The following SLC16A12 variants were observed in gnomAD, a reference collection of about 807,000 sequenced individuals.
The protein encoded by SLC16A12 is solute carrier family 16 member 12.
SLC16A12 carries 17 observed loss-of-function variants against 42.4 expected under a neutral mutation model. The ratio of observed to expected loss-of-function variants is 0.40; its 90% CI spans 0.27 to 0.60. The LOEUF is 0.60. SLC16A12 is among the 20% of genes least tolerant of loss of function. SLC16A12 has a pLI of 0.42. For missense variants in SLC16A12, 544 were observed against 623.0 expected, an observed-to-expected ratio of 0.87 and a Z score of 1.35; for synonymous variants, 224 against 229.4, an observed-to-expected ratio of 0.98 and a Z score of 0.21.
rs1323818417 is a variant in SLC16A12, at chr10:89,436,231, G to T, written c.1117C>A (p.Leu373Ile). 2 of 1,614,146 alleles carry T rather than the reference G, an allele frequency of 1.2e-6. No homozygotes were observed. The highest frequency in any genetic ancestry group is 1.7e-6 in the Non-Finnish European group (2 of 1,180,004). The part of the protein sequence containing the change: ...CYLCLPMLQS[L>I]PLLVPFSCTF... ...CAAGAGAAAGGCACGAGCAGAGGGA[G>T]ACTTTGAAGCATTGGGAGGCAGAGA... The change falls in exon 7 of 8, where the codon CTC becomes ATC. Residue 373 changes from leucine (L) to isoleucine (I), a missense_variant. Physicochemically the swap from Leu to Ile is conservative, Grantham distance 5. Transcript: ENST00000371790.
rs1053645234 is a variant in SLC16A12, at chr10:89,436,432, C to T, written c.1029-113G>A. The T allele has an allele frequency of 7.0e-6, 9 of 1,293,950 alleles. No individual in the cohort carries two copies. In the African/African-American group the frequency reaches 1.3e-4, roughly 19 times the overall value. 80.2% of individuals were successfully genotyped at this position (1,293,950 alleles called of 1,614,324 possible). Reference sequence around the variant, plus strand: ...GCAGTTATTTACAGAGATGGCTTTCCCATTGTGTGTTATGTATGCTGTCTT... The same window carrying T: ...GCAGTTATTTACAGAGATGGCTTTCTCATTGTGTGTTATGTATGCTGTCTT... On this transcript the variant is annotated intron_variant, in intron 6 of 7. Coordinates refer to ENST00000371790, the MANE Select transcript of SLC16A12 (RefSeq NM_213606.4).
chr10:89,535,108 TA>T (rs1001670575), intron 1 of SLC16A12, among the ~76,000 whole-genome samples: 2 of 151,668 alleles, frequency 1.3e-5, no homozygotes, highest in African/African-American at 4.8e-5. Context: ...AAATGTACTA[TA>T]AACATAAAAT....
intron 2 of SLC16A12, among the ~76,000 whole-genome samples, chr10:89,547,998 T>C (rs1466523032): frequency 2.7e-5 from 4 of 147,964 alleles, no homozygotes; most frequent in Admixed American, 2.7e-4. Flanking sequence ...AGTGGACTGC[T>C]TGAGAGAGAA....
At chr10:89,482,750 T>G (rs1181881490) in intron 2 of SLC16A12, among the ~76,000 whole-genome samples, 4 of 147,304 alleles carry the variant, frequency 2.7e-5, no homozygotes, top group Non-Finnish European at 1.5e-5. Context: ...ACTACTGAAC[T>G]ACAGCCTGGG....
chr10:89,442,201 C>T (rs572884870), intron 4 of SLC16A12, among the ~76,000 whole-genome samples: 2 of 152,344 alleles, frequency 1.3e-5, no homozygotes, highest in East Asian at 3.9e-4. Context: ...CTCTGTTCAT[C>T]ACAGAGCAGA....
chr10:89,458,893 C>T (rs925018636), intron 3 of SLC16A12, among the ~76,000 whole-genome samples: 1 of 152,104 alleles, frequency 6.6e-6, no homozygotes, highest in Admixed American at 6.5e-5. Context: ...ACTTTAGGCT[C>T]CTGAGTTAAC....
At chr10:89,453,251 T>C (rs1455679963) in intron 3 of SLC16A12, among the ~76,000 whole-genome samples, 4 of 152,238 alleles carry the variant, frequency 2.6e-5, no homozygotes, top group Admixed American at 1.3e-4. Flanking sequence ...AAACTAGCTT[T>C]AATTCAGTGC....
intron 4 of SLC16A12, among the ~76,000 whole-genome samples, chr10:89,442,607 A>G (rs1018171679): frequency 6.6e-6 from 1 of 152,222 alleles, no homozygotes; most frequent in Non-Finnish European, 1.5e-5. Flanking sequence ...CAAAAAAAAG[A>G]CAAGCTCTAT....
chr10:89,451,037 A>G (rs1360020347), intron 3 of SLC16A12, among the ~76,000 whole-genome samples: 4 of 152,262 alleles, frequency 2.6e-5, no homozygotes, highest in African/African-American at 9.6e-5. Flanking sequence ...CAACTTGGAA[A>G]AGCCTTATAT....
chr10:89,544,976 G>A lies in SLC16A12; in HGVS notation c.-47+10906C>T, dbSNP rs193219655. Among the ~76,000 whole-genome samples the A allele has an allele frequency of 2.0e-5, 3 of 152,342 alleles. No individual in the cohort carries two copies. The East Asian group carries it at 5.8e-4, about 29-fold the overall frequency. ...TATGATTGCTTTAGCCAATAGGGAA[G>A]AGAAATGATAGTGGGCCAATTCTGA... On this transcript the variant is annotated intron_variant, in intron 2 of 2. Transcript: ENST00000475682.
chr10:89,537,137 G>A (rs947282069), upstream of SLC16A12, among the ~76,000 whole-genome samples: 6 of 140,894 alleles, frequency 4.3e-5, no homozygotes, highest in Admixed American at 2.2e-4. Context: ...GCAAGGCACC[G>A]TAGGTATGTT....
chr10:89,499,283 G>A (rs1357194865), intron 2 of SLC16A12, among the ~76,000 whole-genome samples: 5 of 152,160 alleles, frequency 3.3e-5, no homozygotes, highest in Admixed American at 1.3e-4. Flanking sequence ...AGCTGGGCAC[G>A]GTGGCTCTTG....
At chr10:89,503,273 G>A (rs1843014092) in intron 2 of SLC16A12, among the ~76,000 whole-genome samples, 1 of 152,080 alleles carries the variant, frequency 6.6e-6, no homozygotes, top group Admixed American at 6.5e-5. Context: ...GCATCCTCAT[G>A]TAAACATAGG....
intron 2 of SLC16A12, among the ~76,000 whole-genome samples, chr10:89,479,178 G>C (rs1842625338): frequency 6.6e-6 from 1 of 152,140 alleles, no homozygotes; most frequent in African/African-American, 2.4e-5. Flanking sequence ...ATGATCCTGT[G>C]GGGTGGAGAC....
intron 2 of SLC16A12, among the ~76,000 whole-genome samples, chr10:89,475,327 C>A (rs1432977630): frequency 6.6e-6 from 1 of 152,108 alleles, no homozygotes; most frequent in African/African-American, 2.4e-5. Flanking sequence ...GGGGCAAACT[C>A]GAGTTCCAAA....
At chr10:89,480,866 G>A (rs991575825) in intron 2 of SLC16A12, among the ~76,000 whole-genome samples, 1 of 152,106 alleles carries the variant, frequency 6.6e-6, no homozygotes, top group South Asian at 2.1e-4. Flanking sequence ...CATGTTTCTT[G>A]AACATTTAAA....
At chr10:89,502,868 A>G (rs769961198) in intron 2 of SLC16A12, among the ~76,000 whole-genome samples, 1 of 152,236 alleles carries the variant, frequency 6.6e-6, no homozygotes, top group Non-Finnish European at 1.5e-5. Context: ...CAAGGAAGCC[A>G]ACAGTCTGCT....
intron 2 of SLC16A12, among the ~76,000 whole-genome samples, chr10:89,542,654 C>T (rs1351712528): frequency 6.6e-6 from 1 of 152,122 alleles, no homozygotes; most frequent in Non-Finnish European, 1.5e-5. Context: ...CACTGATCTC[C>T]AGACTCATCT....
chr10:89,430,681 T>A lies in SLC16A12; in HGVS notation c.*2383A>T, dbSNP rs1338154330. 2 of 466,002 alleles carry A rather than the reference T, an allele frequency of 4.3e-6. No homozygotes were observed. Among genetic ancestry groups the A allele is most frequent in the Non-Finnish European group, 8.9e-6 (2 of 225,892 alleles). 28.9% of individuals were successfully genotyped at this position (466,002 alleles called of 1,614,324 possible). A position where few individuals can be genotyped will look rare whatever the true frequency, so the allele number is the denominator to read the frequency against. ...TTACTGATTTTCTAAAAATGCTGCC[T>A]CAAAAGGGAAAGTAAAATGCAAATC... is the stretch of plus-strand genomic sequence containing the variant. On this transcript the variant is annotated 3_prime_UTR_variant, in exon 8 of 8. Transcript: ENST00000371790.
Sources: allele counts gnomAD v4.1 joint callset (sites outside exome capture counted in the v4.1 genomes callset), GRCh38; gene constraint gnomAD v4.1.1; transcripts MANE v1.5; gene names NCBI Gene and HGNC (gene_info 2026-07-23, HGNC 2026-07-21).